The following KIAA1217 variants were observed in gnomAD, a reference collection of about 807,000 sequenced individuals.
KIAA1217 encodes KIAA1217.
A neutral mutation model predicts 163.9 loss-of-function variants in KIAA1217; 88 were observed. That is an observed-to-expected ratio of 0.54 (90% confidence interval 0.45 to 0.64). KIAA1217 has a LOEUF of 0.64. KIAA1217 is among the 30% of genes least tolerant of loss of function. KIAA1217 has a pLI of 0.00. For missense variants in KIAA1217, 2,372 were observed against 2,475.0 expected, an observed-to-expected ratio of 0.96 and a Z score of 0.88; for synonymous variants, 903 against 923.1, an observed-to-expected ratio of 0.98 and a Z score of 0.39.
chr10:24,242,348 T>C (rs146303724), intron 2 of KIAA1217, among the ~76,000 whole-genome samples: 1 of 152,340 alleles, frequency 6.6e-6, no homozygotes, highest in Non-Finnish European at 1.5e-5. Context: ...ACATGTGGTA[T>C]TGGGTTTTCT....
At chr10:23,962,961 A>G (rs1329850916) in intron 1 of KIAA1217, among the ~76,000 whole-genome samples, 6 of 152,204 alleles carry the variant, frequency 3.9e-5, no homozygotes, top group African/African-American at 1.4e-4. Flanking sequence ...TGTTATTAGA[A>G]TATAAAATCT....
At position 24,143,877 on chromosome 10, in the gene KIAA1217, C is replaced by T. The variant is rs533691950; in HGVS notation, c.-170-75749C>T. 4.3e-4 allele frequency among the ~76,000 whole-genome samples: 66 copies of T among 151,962 alleles called. No individual in the cohort carries two copies. The South Asian group carries it at 0.013, about 31-fold the overall frequency. On this transcript the variant is annotated intron_variant, in intron 2 of 18. Coordinates refer to the KIAA1217 transcript ENST00000376462. ...CCAGGACAGCAGGATCATATGGTAC[C>T]AGGCATCTGACCTAGAGATCCATCA...
At position 24,408,220 on chromosome 10, in the gene KIAA1217, TA is replaced by T. The variant is rs762950360; in HGVS notation, c.554-24774del. Among the ~76,000 whole-genome samples, 39 of 152,246 alleles carry T rather than the reference TA, an allele frequency of 2.6e-4. 1 individual carries two copies. Among genetic ancestry groups the T allele is most frequent in the Non-Finnish European group, 4.3e-4 (29 of 68,040 alleles). The stretch of plus-strand genomic sequence containing the variant: ...GATTACATTAGTTAATTGTGCAGTA[TA>T]GTGCCTGAACCATAACAAACACTTC... On this transcript the variant is annotated intron_variant, in intron 3 of 20. Transcript: ENST00000376454.
chr10:24,212,253 C>T (rs181525976), intron 1 of KIAA1217, among the ~76,000 whole-genome samples: 33 of 152,236 alleles, frequency 2.2e-4, no homozygotes, highest in Middle Eastern at 3.4e-3. Context: ...GCTGGGAGAA[C>T]GGAGTTGCCA....
At chr10:24,326,632 A>G (rs974268960) in intron 2 of KIAA1217, among the ~76,000 whole-genome samples, 5 of 152,232 alleles carry the variant, frequency 3.3e-5, no homozygotes, top group African/African-American at 1.2e-4. Flanking sequence ...TTTGTCAGTC[A>G]TATATTATCT....
chr10:24,097,359 C>T (rs2062204611), intron 2 of KIAA1217, among the ~76,000 whole-genome samples: 1 of 152,086 alleles, frequency 6.6e-6, no homozygotes, highest in African/African-American at 2.4e-5. Flanking sequence ...TAAGACTAGC[C>T]TGAACAACAT....
chr10:24,065,738 A>G (rs991689363), intron 2 of KIAA1217, among the ~76,000 whole-genome samples: 3 of 152,108 alleles, frequency 2.0e-5, no homozygotes, highest in East Asian at 3.9e-4. Context: ...TGTTGACAGT[A>G]GGGTGTTAAA....
chr10:23,941,900 A>G (rs1843785155), intron 1 of KIAA1217, among the ~76,000 whole-genome samples: 1 of 152,220 alleles, frequency 6.6e-6, no homozygotes, highest in Non-Finnish European at 1.5e-5. Context: ...AAATAAATGT[A>G]AAAGTGAAAC....
At chr10:24,455,860 T>C (rs2132428837) in intron 5 of KIAA1217, among the ~76,000 whole-genome samples, 1 of 152,316 alleles carries the variant, frequency 6.6e-6, no homozygotes, top group South Asian at 2.1e-4. Flanking sequence ...GAATGATCAA[T>C]TAATTTGGGA....
At chr10:23,728,387 G>A (rs1367773590) in intron 1 of KIAA1217, among the ~76,000 whole-genome samples, 1 of 152,074 alleles carries the variant, frequency 6.6e-6, no homozygotes, top group East Asian at 1.9e-4. Flanking sequence ...TCTCATTGTG[G>A]TTTTGATTTG....
chr10:24,346,836 G>A (rs1054414173), intron 2 of KIAA1217, among the ~76,000 whole-genome samples: 4 of 152,042 alleles, frequency 2.6e-5, no homozygotes, highest in African/African-American at 9.7e-5. Context: ...CTCCCAAAGT[G>A]CTGGGACAAC....
At chr10:24,064,523 T>C (rs1159662562) in intron 2 of KIAA1217, among the ~76,000 whole-genome samples, 1 of 152,232 alleles carries the variant, frequency 6.6e-6, no homozygotes, top group African/African-American at 2.4e-5. Context: ...CTTTTTGATG[T>C]GTTGCTGGAT....
intron 1 of KIAA1217, among the ~76,000 whole-genome samples, chr10:23,720,505 G>A (rs1346143805): frequency 1.3e-5 from 2 of 152,098 alleles, no homozygotes; most frequent in Non-Finnish European, 2.9e-5. Context: ...AGGCTGAGCT[G>A]AATAGACTGA....
chr10:23,874,172 C>T (rs1840582748), intron 1 of KIAA1217, among the ~76,000 whole-genome samples: 1 of 152,036 alleles, frequency 6.6e-6, no homozygotes, highest in Non-Finnish European at 1.5e-5. Flanking sequence ...GCTATCACAC[C>T]TCCAGCCCAC....
chr10:24,066,241 C>T (rs11013875), intron 2 of KIAA1217, among the ~76,000 whole-genome samples: 36,693 of 151,600 alleles, frequency 0.24, 8,820 homozygotes, highest in African/African-American at 0.63. Context: ...CTAGCCTTGA[C>T]GGTCTTTACA....
At chr10:23,881,028 G>C (rs139769181) in intron 1 of KIAA1217, among the ~76,000 whole-genome samples, 157 of 151,902 alleles carry the variant, frequency 1.0e-3, no homozygotes, top group Non-Finnish European at 1.9e-3. Flanking sequence ...GATGAACCCT[G>C]TGATGTATAC....
chr10:24,286,026 A>G (rs768355127), intron 2 of KIAA1217, among the ~76,000 whole-genome samples: 11 of 152,166 alleles, frequency 7.2e-5, no homozygotes, highest in Non-Finnish European at 1.5e-4. Flanking sequence ...TGTTGTTGCT[A>G]TATAGAAATG....
At position 23,815,293 on chromosome 10, in the gene KIAA1217, A is replaced by G. The variant is rs151200837; in HGVS notation, c.-321+120059A>G. Among the ~76,000 whole-genome samples the G allele has an allele frequency of 6.9e-3, 1,052 of 152,298 alleles. 7 individuals carry two copies. Among genetic ancestry groups the G allele is most frequent in the African/African-American group, 0.023 (973 of 41,564 alleles). Reference sequence around the variant, plus strand: ...AAAAAAAAGCATAAAATTGCTTAAGATGACATCATTTAAAACAAAAGTCTT... The same window carrying G: ...AAAAAAAAGCATAAAATTGCTTAAGGTGACATCATTTAAAACAAAAGTCTT... On this transcript the variant is annotated intron_variant, in intron 1 of 18. Coordinates refer to the KIAA1217 transcript ENST00000376462.
chr10:23,940,620 A>C (rs1228034395), intron 1 of KIAA1217, among the ~76,000 whole-genome samples: 1 of 152,230 alleles, frequency 6.6e-6, no homozygotes, highest in Non-Finnish European at 1.5e-5. Context: ...ATTCTTTCCC[A>C]AAACAGAATA....
Sources: allele counts gnomAD v4.1 joint callset (sites outside exome capture counted in the v4.1 genomes callset), GRCh38; gene constraint gnomAD v4.1.1; transcripts MANE v1.5; gene names NCBI Gene and HGNC (gene_info 2026-07-23, HGNC 2026-07-21).